CIROZ: variants seen among roughly 807,000 people sequenced by gnomAD.
CIROZ encodes the protein ciliated left-right organizer ZP-N domains-containing protein.
the CIROZ span, chr1:10,957,148 G>T: frequency 1.3e-6 from 2 of 1,488,272 alleles, no homozygotes; most frequent in South Asian, 1.3e-5. Flanking sequence ...CTCCAAAACT[G>T]CTCCTTCCAG....
the CIROZ span, among the ~76,000 whole-genome samples, chr1:10,961,169 A>G: frequency 6.6e-6 from 1 of 151,856 alleles, no homozygotes; most frequent in Non-Finnish European, 1.5e-5. Context: ...TCGTGTGAGG[A>G]CAGCAACACC....
the CIROZ span, chr1:10,964,111 C>T: frequency 1.2e-6 from 2 of 1,611,036 alleles, no homozygotes; most frequent in Non-Finnish European, 1.7e-6. Flanking sequence ...ACCTCCCAGA[C>T]CCCCCGAACC....
chr1:10,964,012 G>T, the CIROZ span: 2 of 1,299,910 alleles, frequency 1.5e-6, no homozygotes, highest in Non-Finnish European at 2.1e-6. Flanking sequence ...GCTACCACCT[G>T]TCTCCCTGGG....
the CIROZ span, among the ~76,000 whole-genome samples, chr1:10,951,930 T>C: frequency 6.6e-6 from 1 of 151,584 alleles, no homozygotes; most frequent in East Asian, 1.9e-4. Flanking sequence ...CCACGGGGAG[T>C]TTAGGCAATT....
chr1:10,972,010 T>C, the CIROZ span, among the ~76,000 whole-genome samples: 1 of 152,242 alleles, frequency 6.6e-6, no homozygotes, highest in Non-Finnish European at 1.5e-5. Flanking sequence ...TCTAACCTGT[T>C]CACCATGGCA....
chr1:10,969,451 C>G, the CIROZ span, among the ~76,000 whole-genome samples: 1 of 152,318 alleles, frequency 6.6e-6, no homozygotes, highest in East Asian at 1.9e-4. Context: ...TCTTCCCCCA[C>G]CAAGCATGTG....
the CIROZ span, chr1:10,947,986 G>T: frequency 1.2e-6 from 2 of 1,613,626 alleles, no homozygotes; most frequent in East Asian, 2.2e-5. Flanking sequence ...GGTGTCAGAA[G>T]AGCTGCTGGG....
At chr1:10,966,559 T>C in the CIROZ span, 1 of 1,414,102 alleles carries the variant, frequency 7.1e-7, no homozygotes, top group Non-Finnish European at 9.3e-7. Flanking sequence ...AATATCAGAC[T>C]CGCAGATAGA....
chr1:10,977,402 G>C, the CIROZ span, among the ~76,000 whole-genome samples: 7,016 of 152,086 alleles, frequency 0.046, 539 homozygotes, highest in African/African-American at 0.16. Context: ...AGAATTGCTT[G>C]AGCCCAGTAG....
chr1:10,953,210 C>A, the CIROZ span, among the ~76,000 whole-genome samples: 7 of 152,168 alleles, frequency 4.6e-5, no homozygotes, highest in African/African-American at 1.4e-4. Context: ...ATCATATCCT[C>A]GTGACAGGGC....
the CIROZ span, among the ~76,000 whole-genome samples, chr1:10,963,573 C>T: frequency 6.6e-6 from 1 of 152,028 alleles, no homozygotes. Flanking sequence ...ACAGAGGTGC[C>T]CCGCTGATGA....
At chr1:10,960,225 C>T in the CIROZ span, among the ~76,000 whole-genome samples, 6 of 151,818 alleles carry the variant, frequency 4.0e-5, no homozygotes, top group East Asian at 1.9e-4. This position sits in a 1 kb window ranked among gnomAD's most constrained non-coding sequence, Gnocchi z 4.6. Context: ...CCATCTTTAC[C>T]GAAAATACAA....
the CIROZ span, among the ~76,000 whole-genome samples, chr1:10,974,680 C>G: frequency 1.3e-5 from 2 of 152,188 alleles, no homozygotes; most frequent in African/African-American, 4.8e-5. The surrounding 1 kb of genome is among the most constrained non-coding windows in gnomAD (Gnocchi z 4.4). Flanking sequence ...GTGCCAGCGG[C>G]CACAGAGGTT....
At chr1:10,974,791 A>C in the CIROZ span, among the ~76,000 whole-genome samples, 1 of 152,170 alleles carries the variant, frequency 6.6e-6, no homozygotes, top group Admixed American at 6.6e-5. This position sits in a 1 kb window ranked among gnomAD's most constrained non-coding sequence, Gnocchi z 4.4. Context: ...GGCTGATTTT[A>C]ACCCATGGCA....
the CIROZ span, chr1:10,976,172 T>G: frequency 9.1e-6 from 14 of 1,536,944 alleles, no homozygotes; most frequent in South Asian, 1.4e-4. Context: ...AAACTTCTGC[T>G]GCAGAGCTTG....
the CIROZ span, among the ~76,000 whole-genome samples, chr1:10,959,409 G>A: frequency 4.5e-4 from 68 of 152,252 alleles, no homozygotes; most frequent in African/African-American, 1.6e-3. The surrounding 1 kb of genome is among the most constrained non-coding windows in gnomAD (Gnocchi z 4.3). Context: ...AGGGCCCAAG[G>A]TGATGGCGTG....
the CIROZ span, chr1:10,954,840 G>C: frequency 1.3e-6 from 1 of 795,738 alleles, no homozygotes. Context: ...TGACGCTCCG[G>C]CCTCGGCTTC....
the CIROZ span, among the ~76,000 whole-genome samples, chr1:10,961,795 A>G: frequency 6.6e-6 from 1 of 151,940 alleles, no homozygotes; most frequent in Non-Finnish European, 1.5e-5. Flanking sequence ...AACGCAAAAA[A>G]TATTTTAAAA....
chr1:10,953,884 C>G, the CIROZ span: 7 of 1,293,356 alleles, frequency 5.4e-6, no homozygotes, highest in Non-Finnish European at 6.2e-6. Flanking sequence ...CCTCACTTAC[C>G]TTGTAGGTGT....
Sources: gnomAD v4.1 joint callset for allele counts (sites outside exome capture counted in the v4.1 genomes callset) on GRCh38, gnomAD v4.1.1 for gene constraint, Gnocchi (gnomAD v3.1) non-coding constraint, MANE v1.5 for transcripts, NCBI Gene and HGNC (gene_info 2026-07-23, HGNC 2026-07-21) for gene names.